Variants in PALM2AKAP2 observed in about 807,000 individuals in gnomAD.
The protein encoded by PALM2AKAP2 is PALM2-AKAP2 fusion protein.
In PALM2AKAP2, 37 loss-of-function variants were observed where a neutral mutation model predicts 71.5. The ratio of observed to expected loss-of-function variants is 0.52; its 90% confidence interval spans 0.40 to 0.68. The LOEUF (loss-of-function observed/expected upper bound fraction) is 0.68, where lower values mean the gene tolerates loss of function less well. PALM2AKAP2 is among the 30% of genes least tolerant of loss of function. The probability of loss-of-function intolerance (pLI) is 0.00; values close to 1 mark genes in which losing one functional copy is unlikely to be tolerated. For missense variants in PALM2AKAP2, 1,224 were observed against 1,191.8 expected (o/e 1.03, Z -0.40); for synonymous variants, 468 against 478.8 (o/e 0.98, Z 0.29).
At chr9:109,912,053 A>G (rs1479784554) in intron 3 of PALM2AKAP2, among the ~76,000 whole-genome samples, 2 of 152,150 alleles carry the variant, frequency 1.3e-5, no homozygotes, top group Non-Finnish European at 2.9e-5. Flanking sequence ...TTTTCAGACA[A>G]TGGAGTTGAG....
intron 3 of PALM2AKAP2, among the ~76,000 whole-genome samples, chr9:109,898,609 G>T (rs1830258978): frequency 6.6e-6 from 1 of 152,218 alleles, no homozygotes; most frequent in African/African-American, 2.4e-5. Flanking sequence ...TAAACATTAG[G>T]AGTCTCGATA....
At chr9:109,781,228 G>A (rs1363949845) in intron 1 of PALM2AKAP2, among the ~76,000 whole-genome samples, 3 of 152,178 alleles carry the variant, frequency 2.0e-5, no homozygotes, top group Non-Finnish European at 4.4e-5. Context: ...GTACCCATGT[G>A]CATCTTGGGT....
chr9:109,942,885 T>C (rs1413555376), intron 6 of PALM2AKAP2: 2 of 1,613,994 alleles, frequency 1.2e-6, no homozygotes, highest in Admixed American at 3.3e-5. Context: ...GCACAAAGGA[T>C]GTAGAAGAGC....
At chr9:110,084,582 G>A (rs1834518338) in intron 1 of PALM2AKAP2, among the ~76,000 whole-genome samples, 2 of 152,106 alleles carry the variant, frequency 1.3e-5, no homozygotes, top group South Asian at 2.1e-4. Flanking sequence ...TAGTATTTGT[G>A]TATAACCTCT....
chr9:110,048,694 C>T, upstream of PALM2AKAP2: 2 of 1,542,508 alleles, frequency 1.3e-6, no homozygotes, highest in African/African-American at 1.4e-5. Flanking sequence ...CTACCACTCC[C>T]TGCAGATGCG....
At chr9:110,103,949 C>T (rs1375010577) in intron 1 of PALM2AKAP2, among the ~76,000 whole-genome samples, 3 of 152,144 alleles carry the variant, frequency 2.0e-5, no homozygotes, top group Non-Finnish European at 4.4e-5. Context: ...ATCCACCTGC[C>T]CCGTCTTCTG....
chr9:110,098,779 C>T (rs1834923169), intron 1 of PALM2AKAP2, among the ~76,000 whole-genome samples: 1 of 152,180 alleles, frequency 6.6e-6, no homozygotes, highest in Non-Finnish European at 1.5e-5. Flanking sequence ...GACCTAAGGA[C>T]CTTGGCATTC....
intron 7 of PALM2AKAP2, among the ~76,000 whole-genome samples, chr9:110,032,936 T>G (rs1833313957): frequency 6.6e-6 from 1 of 151,766 alleles, no homozygotes; most frequent in African/African-American, 2.4e-5. Context: ...ACCCTATTTC[T>G]ATTATAAATA....
rs2118514455 is a variant in PALM2AKAP2 at position 109,680,137 on chromosome 9, G to A, written c.5+39271G>A. ...TTGTGGTGCACCAAGATATCCAGGT[G>A]CCTCTGGCTACATCTGGGGCTGTCC... is the stretch of plus-strand genomic sequence containing the variant. On this transcript the variant is annotated intron_variant, in intron 1 of 6. Transcript: ENST00000374531. 1.3e-5 allele frequency among the ~76,000 whole-genome samples: 2 copies of A among 152,322 alleles called. 1 individual carries two copies. The highest frequency in any genetic ancestry group is 4.1e-4 in the South Asian group (2 of 4,826).
intron 7 of PALM2AKAP2, among the ~76,000 whole-genome samples, chr9:110,039,649 T>G (rs1217847634): frequency 6.6e-6 from 1 of 152,092 alleles, no homozygotes; most frequent in African/African-American, 2.4e-5. Context: ...TTGATATGCC[T>G]TCACCCATCC....
intron 1 of PALM2AKAP2, among the ~76,000 whole-genome samples, chr9:109,819,756 T>C (rs1462922755): frequency 6.6e-6 from 1 of 152,024 alleles, no homozygotes; most frequent in Admixed American, 6.6e-5. Context: ...TAAGCTCTTT[T>C]TCCTTTCTCC....
At chr9:109,875,207 C>T (rs1474262628) in intron 2 of PALM2AKAP2, among the ~76,000 whole-genome samples, 1 of 152,196 alleles carries the variant, frequency 6.6e-6, no homozygotes, top group East Asian at 1.9e-4. Flanking sequence ...GTACATTTGC[C>T]AGTCCCTCCA....
chr9:110,031,939 A>T (rs557638695), intron 7 of PALM2AKAP2, among the ~76,000 whole-genome samples: 1 of 152,046 alleles, frequency 6.6e-6, no homozygotes, highest in African/African-American at 2.4e-5. Context: ...AGGCTGGCCC[A>T]TGAGTCTTCA....
chr9:110,101,603 C>T (rs1835002506), intron 1 of PALM2AKAP2, among the ~76,000 whole-genome samples: 1 of 152,160 alleles, frequency 6.6e-6, no homozygotes, highest in South Asian at 2.1e-4. Context: ...AAGAAAGCCA[C>T]GTGCTTTCAG....
At chr9:109,871,156 G>T (rs1829593920) in intron 2 of PALM2AKAP2, among the ~76,000 whole-genome samples, 1 of 152,106 alleles carries the variant, frequency 6.6e-6, no homozygotes, top group African/African-American at 2.4e-5. Flanking sequence ...AGTAGTTTTG[G>T]CATTCATATA....
intron 1 of PALM2AKAP2, among the ~76,000 whole-genome samples, chr9:109,846,496 C>T (rs78899685): frequency 1.3e-5 from 2 of 152,176 alleles, no homozygotes; most frequent in Non-Finnish European, 2.9e-5. Flanking sequence ...GGTGTTAGAA[C>T]GGAGAAGGCA....
intron 1 of PALM2AKAP2, among the ~76,000 whole-genome samples, chr9:109,798,297 T>C (rs1338403915): frequency 3.3e-5 from 5 of 152,170 alleles, no homozygotes; most frequent in African/African-American, 7.2e-5. Flanking sequence ...GACTTCAATA[T>C]ATCTTTCTGG....
At chr9:110,048,605 G>C, upstream of PALM2AKAP2, 2 of 1,330,574 alleles carry the variant, frequency 1.5e-6, no homozygotes, top group Non-Finnish European at 2.0e-6. Context: ...GGCTACTGGA[G>C]GGGAAGCGAG....
intron 7 of PALM2AKAP2, among the ~76,000 whole-genome samples, chr9:110,041,618 A>G (rs1300455968): frequency 6.6e-6 from 1 of 152,192 alleles, no homozygotes; most frequent in Non-Finnish European, 1.5e-5. Flanking sequence ...CAGGAAAGAA[A>G]CTTACTTGGG....
Sources: gnomAD v4.1 joint callset for allele counts (sites outside exome capture counted in the v4.1 genomes callset) on GRCh38, gnomAD v4.1.1 for gene constraint, MANE v1.5 for transcripts, NCBI Gene and HGNC (gene_info 2026-07-23, HGNC 2026-07-21) for gene names.